Variants in KANK1 observed in about 807,000 individuals in gnomAD.
KANK1 encodes KN motif and ankyrin repeat domains 1, also known as KN motif and ankyrin repeat domain-containing protein 1.
Under a neutral mutation model 106.2 loss-of-function variants are expected in KANK1, and 109 were observed. That is an observed-to-expected ratio of 1.03 (90% confidence interval 0.88 to 1.20). The LOEUF is 1.20. Among genes scored for constraint, KANK1 ranks in the 50% most tolerant of loss-of-function variants. The pLI is 0.00. For synonymous variants in KANK1, 873 were observed against 652.2 expected (o/e 1.34, Z -5.16); for missense variants, 2,399 against 1,710.7 (o/e 1.40, Z -7.10).
intron 1 of KANK1, among the ~76,000 whole-genome samples, chr9:647,991 G>T (rs55947838): frequency 0.16 from 23,283 of 143,690 alleles, 3,544 homozygotes; most frequent in African/African-American, 0.34. Flanking sequence ...ATTTCTGGGG[G>T]TTGTTATCTT....
intron 2 of KANK1, among the ~76,000 whole-genome samples, chr9:700,704 A>G (rs927998993): frequency 6.6e-6 from 1 of 152,224 alleles, no homozygotes; most frequent in Non-Finnish European, 1.5e-5. Context: ...AGAGGGGACA[A>G]TAACATTAAT....
At chr9:663,128 C>A (rs1301798167) in intron 1 of KANK1, among the ~76,000 whole-genome samples, 1 of 152,150 alleles carries the variant, frequency 6.6e-6, no homozygotes, top group African/African-American at 2.4e-5. Context: ...AATCCAATCT[C>A]AGTGGAATTA....
intron 1 of KANK1, among the ~76,000 whole-genome samples, chr9:539,164 A>C (rs1394887717): frequency 2.0e-5 from 3 of 152,200 alleles, no homozygotes; most frequent in African/African-American, 7.2e-5. Context: ...TATAGGCATG[A>C]GCCATCATGC....
chr9:573,444 G>A (rs560842773), intron 1 of KANK1, among the ~76,000 whole-genome samples: 2 of 151,908 alleles, frequency 1.3e-5, no homozygotes, highest in Non-Finnish European at 2.9e-5. Flanking sequence ...TAATTTTTTT[G>A]TATTTTTAGT....
At chr9:572,005 T>G (rs916360235) in intron 1 of KANK1, among the ~76,000 whole-genome samples, 1 of 152,180 alleles carries the variant, frequency 6.6e-6, no homozygotes, top group African/African-American at 2.4e-5. Flanking sequence ...GGCATCTTTT[T>G]CTGCCGTCCA....
intron 1 of KANK1, among the ~76,000 whole-genome samples, chr9:522,522 G>A (rs2059598004): frequency 6.6e-6 from 1 of 151,618 alleles, no homozygotes; most frequent in Non-Finnish European, 1.5e-5. Flanking sequence ...TTGGAGAAAG[G>A]CATTCTTTTT....
chr9:590,359 C>T (rs905002559), intron 1 of KANK1, among the ~76,000 whole-genome samples: 2 of 152,062 alleles, frequency 1.3e-5, no homozygotes, highest in Non-Finnish European at 2.9e-5. Context: ...CCCCAAAGTC[C>T]CTTTCTAACA....
intron 1 of KANK1, among the ~76,000 whole-genome samples, chr9:586,864 C>T (rs1204858491): frequency 6.6e-6 from 1 of 152,180 alleles, no homozygotes; most frequent in African/African-American, 2.4e-5. Context: ...CCTGCCCCTG[C>T]ACCCCCAGCA....
intron 3 of KANK1, among the ~76,000 whole-genome samples, chr9:491,206 C>G (rs2058372320): frequency 6.6e-6 from 1 of 151,926 alleles, no homozygotes; most frequent in South Asian, 2.1e-4. Flanking sequence ...AGTAATCCTC[C>G]TACCTCGGCC....
At chr9:742,512 T>C in intron 10 of KANK1, 107 bp downstream of exon 10, 1 of 813,946 alleles carries the variant, frequency 1.2e-6, no homozygotes, top group Non-Finnish European at 1.9e-6. Context: ...TCTATTCTCC[T>C]CTGGGATTTG....
At chr9:476,477 C>G (rs757670650) in intron 3 of KANK1, among the ~76,000 whole-genome samples, 1 of 150,224 alleles carries the variant, frequency 6.7e-6, no homozygotes, top group Non-Finnish European at 1.5e-5. Context: ...GCTGAGATCA[C>G]GCCACTGCAC....
chr9:656,942 A>G (rs779498450), intron 1 of KANK1, among the ~76,000 whole-genome samples: 3 of 152,030 alleles, frequency 2.0e-5, no homozygotes, highest in African/African-American at 7.3e-5. Context: ...TTAAGTGTAC[A>G]CTTCATTATT....
intron 1 of KANK1, among the ~76,000 whole-genome samples, chr9:581,793 T>G (rs2135311404): frequency 1.3e-5 from 2 of 152,266 alleles, no homozygotes; most frequent in South Asian, 4.1e-4. Flanking sequence ...CACCAGTCCC[T>G]ACTGCTTCTG....
rs145808517 is a variant in KANK1, at chr9:572,608, C to A, written c.-84+67854C>A. ...GTCTCGATATGTTGCCCAGGCTGGTCTTGAATTCCTGGCCTCAGGCAATCC... is the reference window on the plus strand; with the variant it reads ...GTCTCGATATGTTGCCCAGGCTGGTATTGAATTCCTGGCCTCAGGCAATCC... On this transcript the variant is annotated intron_variant, in intron 1 of 11. Coordinates refer to ENST00000382297, the MANE Select transcript of KANK1 (RefSeq NM_015158.5). Among the ~76,000 whole-genome samples the A allele has an allele frequency of 3.9e-3, 594 of 152,072 alleles. 11 individuals carry two copies. Among genetic ancestry groups the A allele is most frequent in the African/African-American group, 0.014 (583 of 41,502 alleles).
At chr9:714,979 C>T (rs1294369283) in intron 3 of KANK1, among the ~76,000 whole-genome samples, 1 of 151,410 alleles carries the variant, frequency 6.6e-6, no homozygotes. Flanking sequence ...GTGATACAGA[C>T]TTAAGCCATC....
At chr9:557,168 G>T (rs889776382) in intron 1 of KANK1, among the ~76,000 whole-genome samples, 1 of 139,902 alleles carries the variant, frequency 7.1e-6, no homozygotes, top group Non-Finnish European at 1.5e-5. Flanking sequence ...GTGTGACAGA[G>T]CAAGACCATG....
intron 1 of KANK1, among the ~76,000 whole-genome samples, chr9:588,640 A>G (rs548299355): frequency 3.3e-5 from 5 of 152,248 alleles, no homozygotes; most frequent in South Asian, 4.2e-4. Flanking sequence ...TTAAGTCCAT[A>G]TTATCTCTTG....
chr9:522,175 G>A (rs971812203), intron 1 of KANK1, among the ~76,000 whole-genome samples: 1 of 151,728 alleles, frequency 6.6e-6, no homozygotes, highest in East Asian at 1.9e-4. Flanking sequence ...TTTCATGATG[G>A]TTATTTACTA....
chr9:582,761 C>A (rs73376918), intron 1 of KANK1, among the ~76,000 whole-genome samples: 6,844 of 152,282 alleles, frequency 0.045, 512 homozygotes, highest in African/African-American at 0.15. Flanking sequence ...GTGAATGCCT[C>A]TTCATCTAGA....
Sources: allele counts gnomAD v4.1 joint callset (sites outside exome capture counted in the v4.1 genomes callset), GRCh38; gene constraint gnomAD v4.1.1; transcripts MANE v1.5; gene names NCBI Gene and HGNC (gene_info 2026-07-23, HGNC 2026-07-21).